KIF25: variants seen among roughly 807,000 people sequenced by gnomAD.
KIF25 encodes kinesin-like protein KIF25.
In KIF25, 19 loss-of-function variants were observed where a neutral mutation model predicts 32.9. That is an observed-to-expected ratio of 0.58 (90% CI 0.40 to 0.85). The LOEUF is 0.85. Ranked by LOEUF, KIF25 falls within the 40% of genes least tolerant of loss-of-function variation. The pLI is 0.00. For missense variants in KIF25, 485 were observed against 507.0 expected, an observed-to-expected ratio of 0.96 and a Z score of 0.42; for synonymous variants, 225 against 213.7, an observed-to-expected ratio of 1.05 and a Z score of -0.46.
chr6:168,023,822 C>T (rs557331284), intron 5 of KIF25, among the ~76,000 whole-genome samples: 2 of 152,322 alleles, frequency 1.3e-5, no homozygotes, highest in African/African-American at 4.8e-5. Context: ...TCTTAGCCAC[C>T]ATGTGTCGCG....
intron 12 of KIF25, among the ~76,000 whole-genome samples, chr6:168,043,224 CAGTT>C (rs1329159749): frequency 6.6e-6 from 1 of 152,152 alleles, no homozygotes; most frequent in Non-Finnish European, 1.5e-5. Flanking sequence ...TTGGGGAGCT[CAGTT>C]AGTGCCCCCT....
chr6:168,021,637 T>A (rs1463657047), intron 5 of KIF25, among the ~76,000 whole-genome samples: 1 of 152,242 alleles, frequency 6.6e-6, no homozygotes, highest in Non-Finnish European at 1.5e-5. Flanking sequence ...TTCACAGTGT[T>A]TTTTGTCATC....
chr6:168,018,843 G>A (rs1327870890), intron 5 of KIF25, among the ~76,000 whole-genome samples: 7 of 152,198 alleles, frequency 4.6e-5, no homozygotes, highest in Admixed American at 1.3e-4. Context: ...TGTGTCGCTC[G>A]ATAGGGTCAC....
Position 168,031,161 on chromosome 6 carries a change from C to T in KIF25, c.167+314C>T, listed in dbSNP as rs537290698. Among the ~76,000 whole-genome samples the T allele has an allele frequency of 5.9e-5, 9 of 152,254 alleles. No individual in the cohort carries two copies. The South Asian group carries it at 1.7e-3, about 28-fold the overall frequency. ...TGCAGCTGCCATTCTCTCTGGGATT[C>T]TAACATTTCAGAATTTAAAAAAAAT... On this transcript the variant is annotated intron_variant, in intron 7 of 12. Coordinates refer to ENST00000643607, the MANE Select transcript of KIF25 (RefSeq NM_030615.4).
rs56253243 is a variant in KIF25 at position 168,033,499 on chromosome 6, C to CAA, written c.168-367_168-366dup. Reference sequence around the variant, plus strand: ...TATGTGACAGAGCAAGAATCCGTCTCAAAAAAAAAAAAAAAAATAGATAGT... The same window carrying CAA: ...TATGTGACAGAGCAAGAATCCGTCTCAAAAAAAAAAAAAAAAAAATAGATAGT... On this transcript the variant is annotated intron_variant, in intron 7 of 12. Transcript: ENST00000643607. Among the ~76,000 whole-genome samples the CAA allele has an allele frequency of 4.3e-3, 493 of 113,748 alleles. 7 individuals are homozygous for CAA. The highest frequency in any genetic ancestry group is 0.016 in the East Asian group (67 of 4,110). 74.6% of individuals were successfully genotyped at this position (113,748 alleles called of 152,430 possible). A position where few individuals can be genotyped will look rare whatever the true frequency, so the allele number is the denominator to read the frequency against.
At chr6:168,041,739 T>A (rs1212216360) in intron 10 of KIF25, among the ~76,000 whole-genome samples, 1 of 152,218 alleles carries the variant, frequency 6.6e-6, no homozygotes, top group Admixed American at 6.5e-5. Context: ...TCTGGGCCAA[T>A]TAGGCATTAG....
At chr6:168,005,610 C>T (rs990001902) in intron 4 of KIF25, among the ~76,000 whole-genome samples, 2 of 152,210 alleles carry the variant, frequency 1.3e-5, no homozygotes, top group Non-Finnish European at 2.9e-5. Flanking sequence ...GGTCCCACAA[C>T]AGCCATCTGC....
chr6:168,017,055 C>G (rs2114880648), intron 4 of KIF25, among the ~76,000 whole-genome samples: 1 of 152,364 alleles, frequency 6.6e-6, no homozygotes, highest in Non-Finnish European at 1.5e-5. Context: ...CCAGAGGCAG[C>G]AATAGTCCGG....
intron 4 of KIF25, among the ~76,000 whole-genome samples, chr6:168,007,177 A>G (rs2516811): frequency 0.72 from 109,699 of 152,042 alleles, 39,900 homozygotes; most frequent in Non-Finnish European, 0.77. Flanking sequence ...TTGGGAGGCC[A>G]AGGCAGATGG....
Position 168,042,102 on chromosome 6 carries a change from G to A in KIF25, c.780G>A (p.Gln260=), listed in dbSNP as rs1431177027. Residue 260 remains glutamine, a synonymous_variant, in exon 11 of 13, where the codon CAG becomes CAA. Coordinates refer to ENST00000643607, the MANE Select transcript of KIF25 (RefSeq NM_030615.4). ...GGAACCCCGCAGGGCATGCGGAGCA[G>A]GTGCAGGCTCGACTACAGCTCGTGG... The part of the protein sequence containing the change: ...VPGNPAGHAE[Q]VQARLQLVDS... The A allele has an allele frequency of 6.4e-7, 1 of 1,551,664 alleles. No individual in the cohort carries two copies. Among genetic ancestry groups the A allele is most frequent in the Non-Finnish European group, 8.7e-7 (1 of 1,147,688 alleles).
chr6:168,036,652 T>C (rs1159666416), intron 8 of KIF25, among the ~76,000 whole-genome samples: 1 of 152,188 alleles, frequency 6.6e-6, no homozygotes, highest in Non-Finnish European at 1.5e-5. Flanking sequence ...CTAACTTAGG[T>C]TTTGTGACAC....
intron 4 of KIF25, among the ~76,000 whole-genome samples, chr6:168,009,524 A>G (rs1305665778): frequency 2.0e-5 from 3 of 152,070 alleles, no homozygotes; most frequent in Non-Finnish European, 2.9e-5. Flanking sequence ...ATGTTGGCCT[A>G]TAGTTTTTTG....
intron 6 of KIF25, 160 bp from the exon 7 acceptor site, chr6:168,030,613 T>C (rs1257624533): frequency 1.8e-6 from 1 of 546,318 alleles, no homozygotes; most frequent in Non-Finnish European, 3.3e-6. Context: ...ACCTCTGTTA[T>C]CTTGAAAAAT....
At position 168,041,980 on chromosome 6, in the gene KIF25, T is replaced by C. The variant is rs757536915; in HGVS notation, c.658T>C (p.Cys220Arg). The C allele has an allele frequency of 1.9e-6, 3 of 1,551,712 alleles. No homozygotes were observed. Among genetic ancestry groups the C allele is most frequent in the Admixed American group, 3.9e-5 (2 of 51,028 alleles). ...TTGGTCCCTTGCAGCAGACCAAGCC[T>C]GCAGTGCCACCCTCCCCAGGGAGCA... ...SCSDSTADQA[C>R]SATLPREQTE... The change falls in exon 11 of 13, where the codon TGC becomes CGC. Residue 220 changes from cysteine to arginine, a missense_variant. By Grantham distance (180) the Cys-to-Arg change is radical. Around this residue, in one of 2 missense-constraint regions of KIF25, gnomAD observed 480 missense variants for 470.3 expected, o/e 1.02. Coordinates refer to ENST00000643607, the MANE Select transcript of KIF25 (RefSeq NM_030615.4).
At chr6:168,023,309 C>T (rs1312788277) in intron 5 of KIF25, among the ~76,000 whole-genome samples, 3 of 144,626 alleles carry the variant, frequency 2.1e-5, no homozygotes, top group East Asian at 2.1e-4. Flanking sequence ...GTTCTGTTGC[C>T]GAGGCTGGAG....
chr6:168,004,669 C>T (rs1033230646), intron 4 of KIF25, among the ~76,000 whole-genome samples: 3 of 152,126 alleles, frequency 2.0e-5, no homozygotes, highest in Non-Finnish European at 4.4e-5. Flanking sequence ...TTGATGGGAT[C>T]GTCACGATGA....
intron 4 of KIF25, among the ~76,000 whole-genome samples, chr6:168,005,744 C>T (rs1798571288): frequency 6.6e-6 from 1 of 152,178 alleles, no homozygotes; most frequent in African/African-American, 2.4e-5. Flanking sequence ...GCCAGTCTCT[C>T]TCTTCACATT....
intron 4 of KIF25, among the ~76,000 whole-genome samples, chr6:168,007,812 G>A (rs1583126193): frequency 6.6e-6 from 1 of 152,120 alleles, no homozygotes; most frequent in East Asian, 1.9e-4. Flanking sequence ...AAGCTGTCAG[G>A]CAGCCAAGCC....
intron 10 of KIF25, 21 bp downstream of exon 10, chr6:168,040,237 G>A (rs1799099138): frequency 6.3e-7 from 1 of 1,595,752 alleles, no homozygotes. Flanking sequence ...ATTTGTGCTT[G>A]GTCAGTGGCA....
Sources: allele counts gnomAD v4.1 joint callset (sites outside exome capture counted in the v4.1 genomes callset), GRCh38; gene constraint gnomAD v4.1.1; regional missense constraint gnomAD v4.1.1; transcripts MANE v1.5; gene names NCBI Gene and HGNC (gene_info 2026-07-23, HGNC 2026-07-21).